Variants in AK5 observed in about 807,000 individuals in gnomAD.
AK5 encodes the protein adenylate kinase isoenzyme 5.
Under a neutral mutation model 69.5 loss-of-function variants are expected in AK5, and 27 were observed. That is an observed-to-expected ratio of 0.39 (90% confidence interval 0.29 to 0.54). AK5 has a LOEUF of 0.54. Ranked by LOEUF, AK5 falls within the 20% of genes least tolerant of loss-of-function variation. The pLI, the probability that AK5 is intolerant of heterozygous loss-of-function variation, is 0.71. For missense variants in AK5, 531 were observed against 700.4 expected, an observed-to-expected ratio of 0.76 and a Z score of 2.73; for synonymous variants, 260 against 244.4, an observed-to-expected ratio of 1.06 and a Z score of -0.60.
At chr1:77,524,722 G>C (rs1284182493) in intron 12 of AK5, among the ~76,000 whole-genome samples, 3 of 152,052 alleles carry the variant, frequency 2.0e-5, no homozygotes, top group Non-Finnish European at 4.4e-5. Context: ...TGTGTCCTTT[G>C]ATGCACAAAA....
At chr1:77,368,240 T>TAAA (rs1168079782) in intron 6 of AK5, among the ~76,000 whole-genome samples, 5 of 3,484 alleles carry the variant, frequency 1.4e-3, no homozygotes, top group East Asian at 0.029. Context: ...TATATATATA[T>TAAA]ATATATATAT....
intron 10 of AK5, among the ~76,000 whole-genome samples, chr1:77,507,175 A>AC (rs991317017): frequency 4.7e-4 from 71 of 152,318 alleles, no homozygotes; most frequent in African/African-American, 1.6e-3. Context: ...TGGCCACCTG[A>AC]CGGGGCCATG....
At position 77,558,628 on chromosome 1, in the gene AK5, C is replaced by T. The variant is rs143678200; in HGVS notation, c.1647C>T (p.Asp549=). 8.9e-5 allele frequency: 142 copies of T among 1,600,296 alleles called. 2 individuals carry two copies. In the African/African-American group the frequency reaches 1.5e-3, roughly 17 times the overall value. The change falls in exon 14 of 14, where the codon GAC becomes GAT. Residue 549 remains aspartate, a synonymous_variant. Coordinates refer to ENST00000354567, the MANE Select transcript of AK5 (RefSeq NM_174858.3). ...TAAATGCAGAGGGAACACCAGAGGACGTTTTTCTTCAACTCTGCACAGCTA... is the reference window on the plus strand; with the variant it reads ...TAAATGCAGAGGGAACACCAGAGGATGTTTTTCTTCAACTCTGCACAGCTA... The part of the protein sequence containing the change: ...HKINAEGTPE[D]VFLQLCTAID...
intron 10 of AK5, among the ~76,000 whole-genome samples, chr1:77,511,323 A>G (rs934919688): frequency 3.3e-5 from 5 of 152,334 alleles, no homozygotes; most frequent in South Asian, 2.1e-4. Context: ...GTATCAAGTT[A>G]TCTGTAATAT....
chr1:77,301,026 G>GA (rs1659312393), intron 5 of AK5, among the ~76,000 whole-genome samples: 2 of 152,196 alleles, frequency 1.3e-5, no homozygotes, highest in South Asian at 4.1e-4. Context: ...TCTGGGGTGT[G>GA]AGAAGAGGTG....
In AK5 at chr1:77,314,492, A is replaced by T. The variant is rs563232928; in HGVS notation, c.699+16545A>T. On this transcript the variant is annotated intron_variant, in intron 5 of 13. Coordinates refer to ENST00000354567, the MANE Select transcript of AK5 (RefSeq NM_174858.3). ...TACATTTAAAGATATTATTTTTTGT[A>T]CTTTTTAATGTAGCTTAATTTTTTA... The T allele has an allele frequency of 4.6e-4, 70 of 152,708 alleles. 1 individual carries two copies. Among genetic ancestry groups the T allele is most frequent in the African/African-American group, 1.7e-3 (70 of 41,466 alleles). The allele number at this position is 152,708 out of a possible 1,614,324, so 9.5% of individuals were successfully genotyped here. A position where few individuals can be genotyped will look rare whatever the true frequency, so the allele number is the denominator to read the frequency against.
rs150892443 is a variant in AK5 at position 77,465,543 on chromosome 1, G to A, written c.1060-17774G>A. Among the ~76,000 whole-genome samples the A allele has an allele frequency of 1.4e-3, 210 of 152,150 alleles. 1 individual carries two copies. Among genetic ancestry groups the A allele is most frequent in the African/African-American group, 4.8e-3 (198 of 41,520 alleles). On this transcript the variant is annotated intron_variant, in intron 8 of 13. Transcript: ENST00000354567. ...CGTCTTATTCACCTGCTGCATACTG[G>A]GCTGAATGCTAGAGTTGTTGTTCAT...
chr1:77,479,639 C>T (rs1199393009), intron 8 of AK5, among the ~76,000 whole-genome samples: 1 of 152,156 alleles, frequency 6.6e-6, no homozygotes, highest in Non-Finnish European at 1.5e-5. Flanking sequence ...AAATGTGTGA[C>T]TATATTTATA....
chr1:77,548,796 T>C (rs1659668216), intron 13 of AK5, among the ~76,000 whole-genome samples: 1 of 152,202 alleles, frequency 6.6e-6, no homozygotes, highest in Non-Finnish European at 1.5e-5. Context: ...ATATGTTCTG[T>C]TGACTGTTGG....
Position 77,473,197 on chromosome 1 carries a change from G to A in AK5, c.1060-10120G>A, listed in dbSNP as rs573477762. 3.3e-5 allele frequency among the ~76,000 whole-genome samples: 5 copies of A among 150,978 alleles called. No homozygotes were observed. In the East Asian group the frequency reaches 7.7e-4, roughly 23 times the overall value. ...AGAATCTCAGCATTGGAAGCTTCTT[G>A]GGGTTTTTTTTTTTTTGGTGTTTTG... On this transcript the variant is annotated intron_variant, in intron 8 of 13. Transcript: ENST00000354567.
intron 8 of AK5, among the ~76,000 whole-genome samples, chr1:77,431,561 C>T (rs1017205173): frequency 6.6e-6 from 1 of 152,136 alleles, no homozygotes. Context: ...GGGTAGAGAA[C>T]AATTAGGAGC....
At chr1:77,397,320 T>C (rs936562329) in intron 6 of AK5, among the ~76,000 whole-genome samples, 1 of 151,956 alleles carries the variant, frequency 6.6e-6, no homozygotes, top group African/African-American at 2.4e-5. Context: ...CAAGCACACC[T>C]CCATCACAGC....
intron 5 of AK5, chr1:77,313,722 C>G: frequency 2.1e-6 from 1 of 470,502 alleles, no homozygotes; most frequent in Middle Eastern, 3.3e-4. Flanking sequence ...GTTTGCTTTC[C>G]GTACCCTGTG....
At chr1:77,311,474 A>C (rs1008738373) in intron 5 of AK5, among the ~76,000 whole-genome samples, 3 of 152,180 alleles carry the variant, frequency 2.0e-5, no homozygotes, top group Admixed American at 6.5e-5. Context: ...TTGCCTTTCA[A>C]GAATGAGAAT....
intron 8 of AK5, among the ~76,000 whole-genome samples, chr1:77,462,411 T>C (rs1176093488): frequency 1.3e-5 from 2 of 152,162 alleles, no homozygotes; most frequent in African/African-American, 4.8e-5. Flanking sequence ...TAAATTTTTT[T>C]ACTTGAGCAA....
In AK5 at chr1:77,425,891, A is replaced by G. The variant is rs901663017; in HGVS notation, c.1059+8176A>G. On this transcript the variant is annotated intron_variant, in intron 8 of 13. Coordinates refer to ENST00000354567, the MANE Select transcript of AK5 (RefSeq NM_174858.3). ...ACTTGCACTACCCATGAAGCAGTAG[A>G]GTGTTATTTGAAAGTGGACTTGAAA... Among the ~76,000 whole-genome samples, 6 of 152,318 alleles carry G rather than the reference A, an allele frequency of 3.9e-5. No homozygotes were observed. In the South Asian group the frequency reaches 6.2e-4, roughly 16 times the overall value.
At chr1:77,517,368 A>G (rs947036285) in intron 10 of AK5, among the ~76,000 whole-genome samples, 2 of 152,170 alleles carry the variant, frequency 1.3e-5, no homozygotes, top group African/African-American at 4.8e-5. Flanking sequence ...TGTGGCCACA[A>G]TGGGGAGGAG....
chr1:77,372,166 C>T (rs1367857409), intron 6 of AK5, among the ~76,000 whole-genome samples: 1 of 148,902 alleles, frequency 6.7e-6, no homozygotes, highest in Non-Finnish European at 1.5e-5. Context: ...TGAATAATAA[C>T]ACTAGATTTA....
chr1:77,374,607 G>A (rs946082909), intron 6 of AK5, among the ~76,000 whole-genome samples: 6 of 151,816 alleles, frequency 4.0e-5, no homozygotes, highest in Non-Finnish European at 1.5e-5. Flanking sequence ...ATCACATCAG[G>A]CCAGTAGTGC....
Sources: allele counts gnomAD v4.1 joint callset (sites outside exome capture counted in the v4.1 genomes callset), GRCh38; gene constraint gnomAD v4.1.1; transcripts MANE v1.5; gene names NCBI Gene and HGNC (gene_info 2026-07-23, HGNC 2026-07-21).